Variants in NLRP5 observed in about 807,000 individuals in gnomAD.
NLRP5 encodes the protein NACHT, LRR and PYD domains-containing protein 5.
In NLRP5, 93 loss-of-function variants were observed where a neutral mutation model predicts 113.1. The ratio of observed to expected loss-of-function variants is 0.82; its 90% confidence interval spans 0.70 to 0.98. NLRP5 has a LOEUF of 0.98. Ranked by LOEUF, NLRP5 falls within the 50% of genes least tolerant of loss-of-function variation. NLRP5 has a pLI of 0.00. For missense variants in NLRP5, 1,808 were observed against 1,514.3 expected (o/e 1.19, Z -3.22); for synonymous variants, 751 against 600.7 (o/e 1.25, Z -3.66).
rs1982908104 is a variant in NLRP5 at position 56,027,461 on chromosome 19, A to G, written c.1228A>G (p.Arg410Gly). The G allele has an allele frequency of 1.2e-6, 2 of 1,613,830 alleles. No homozygotes were observed. The highest frequency in any genetic ancestry group is 1.7e-6 in the Non-Finnish European group (2 of 1,179,828). Reference sequence around the variant, plus strand: ...TGAGTCCTTCCTGATCGTCACCGTCAGAGACGTGGGCACAGAGAAGCTCAA... The same window carrying G: ...TGAGTCCTTCCTGATCGTCACCGTCGGAGACGTGGGCACAGAGAAGCTCAA... The change falls in exon 7 of 15, where the codon AGA becomes GGA. Residue 410 changes from arginine (R) to glycine (G), a missense_variant. Coordinates refer to ENST00000390649, the MANE Select transcript of NLRP5 (RefSeq NM_153447.4).
chr19:56,061,296 A>G (rs1984343575), intron 14 of NLRP5, 100 bp from the exon 15 acceptor site: 1 of 1,337,172 alleles, frequency 7.5e-7, no homozygotes, highest in African/African-American at 1.5e-5. Flanking sequence ...AGAGTACAAG[A>G]AAAGGTTTGA....
chr19:56,009,536 C>CT (rs914340640), intron 3 of NLRP5, among the ~76,000 whole-genome samples: 1 of 152,064 alleles, frequency 6.6e-6, no homozygotes, highest in Non-Finnish European at 1.5e-5. Flanking sequence ...CATTAGAGCA[C>CT]TGACCTCATG....
upstream of NLRP5, among the ~76,000 whole-genome samples, chr19:55,998,059 C>A (rs1419001224): frequency 6.6e-6 from 1 of 152,186 alleles, no homozygotes; most frequent in African/African-American, 2.4e-5. Context: ...AGCATACACA[C>A]ACACAGAAAA....
chr19:56,034,106 G>T (rs914679477), intron 9 of NLRP5, among the ~76,000 whole-genome samples: 1 of 152,014 alleles, frequency 6.6e-6, no homozygotes, highest in Non-Finnish European at 1.5e-5. Context: ...GTGCCCTTCT[G>T]GGCCGGGCGC....
upstream of NLRP5, among the ~76,000 whole-genome samples, chr19:55,996,849 C>G (rs1313556496): frequency 6.6e-6 from 1 of 152,060 alleles, no homozygotes; most frequent in African/African-American, 2.4e-5. Flanking sequence ...AGGTATATAC[C>G]CAGTAATGAG....
intron 11 of NLRP5, among the ~76,000 whole-genome samples, chr19:56,045,418 C>CT (rs545465190): frequency 2.1e-3 from 323 of 151,804 alleles, no homozygotes; most frequent in African/African-American, 6.1e-3. Context: ...GTTTTTTTTT[C>CT]TTTTTTTTAT....
chr19:56,009,729 G>T (rs1035675744), intron 3 of NLRP5, among the ~76,000 whole-genome samples: 1 of 152,118 alleles, frequency 6.6e-6, no homozygotes, highest in African/African-American at 2.4e-5. Context: ...TACCTGCGCC[G>T]CTACCATCTT....
chr19:56,019,689 T>C (rs1269953181), intron 5 of NLRP5, among the ~76,000 whole-genome samples: 1 of 152,154 alleles, frequency 6.6e-6, no homozygotes, highest in African/African-American at 2.4e-5. Context: ...GTTAAACATA[T>C]GGCCAAGAGT....
intron 9 of NLRP5, among the ~76,000 whole-genome samples, chr19:56,037,720 G>C (rs577143281): frequency 9.4e-4 from 129 of 137,380 alleles, no homozygotes; most frequent in African/African-American, 3.0e-3. Context: ...AAAAATGTTG[G>C]CTGGGGTGGG....
In NLRP5 at chr19:56,032,788, C is replaced by T. The variant is rs1983172597; in HGVS notation, c.2447+7C>T. The T allele has an allele frequency of 6.3e-7, 1 of 1,598,870 alleles. No individual in the cohort carries two copies. Among genetic ancestry groups the T allele is most frequent in the Admixed American group, 1.7e-5 (1 of 59,236 alleles). ...GCAAGATACAGACCCTGATGTAAGG[C>T]TGCCCGCCCCCTACGAGAGAATCCC... is the stretch of plus-strand genomic sequence containing the variant. On this transcript the variant is annotated splice_region_variant and intron_variant, in intron 8 of 14. Transcript: ENST00000390649.
chr19:55,998,690 A>ATATATATGTGTGTGTGTGTG (rs1981442425), upstream of NLRP5, among the ~76,000 whole-genome samples: 8 of 56,266 alleles, frequency 1.4e-4, no homozygotes, highest in African/African-American at 8.9e-4. Context: ...ATATATATAT[A>ATATATATGTGTGTGTGTGTG]TATATATATA....
In NLRP5 at chr19:56,005,553, C is replaced by T. The variant is rs1035874999; in HGVS notation, c.442+1458C>T. Reference sequence around the variant, plus strand: ...ACACGCACACACGCAGGTGGCATGCCTGTACACACATATATATTTATACAC... The same window carrying T: ...ACACGCACACACGCAGGTGGCATGCTTGTACACACATATATATTTATACAC... On this transcript the variant is annotated intron_variant, in intron 2 of 14. Transcript: ENST00000390649. Among the ~76,000 whole-genome samples the T allele has an allele frequency of 1.7e-4, 24 of 140,134 alleles. 1 individual carries two copies. Among genetic ancestry groups the T allele is most frequent in the African/African-American group, 6.6e-4 (24 of 36,386 alleles). The allele number at this position is 140,134 out of a possible 152,430, so 91.9% of individuals were successfully genotyped here. A position where few individuals can be genotyped will look rare whatever the true frequency, so the allele number is the denominator to read the frequency against.
intron 2 of NLRP5, among the ~76,000 whole-genome samples, chr19:56,005,216 CAT>C (rs901228230): frequency 1.3e-4 from 19 of 143,052 alleles, no homozygotes; most frequent in South Asian, 4.3e-4. Flanking sequence ...CACATACACA[CAT>C]ATACACATAT....
chr19:56,027,215 A>G lies in NLRP5; in HGVS notation c.982A>G (p.Lys328Glu), dbSNP rs775738565. The change falls in exon 7 of 15, where the codon AAG (lysine) becomes GAG (glutamate). Residue 328 changes from lysine (K) to glutamate (E), a missense_variant. Physicochemically the swap from Lys to Glu is moderately conservative, Grantham distance 56. Transcript: ENST00000390649. Reference sequence around the variant, plus strand: ...CCCCGTTAGAGAGATGCAGCGGAAGAAGGAGAGCAGTGTCACAGAGTTCAT... The same window carrying G: ...CCCCGTTAGAGAGATGCAGCGGAAGGAGGAGAGCAGTGTCACAGAGTTCAT... The G allele has an allele frequency of 2.5e-6, 4 of 1,612,164 alleles. No homozygotes were observed. The Admixed American group carries it at 5.0e-5, about 20-fold the overall frequency.
intron 6 of NLRP5, among the ~76,000 whole-genome samples, chr19:56,020,892 GAGA>G (rs1041743313): frequency 6.5e-5 from 6 of 91,812 alleles, no homozygotes; most frequent in Non-Finnish European, 1.4e-4. Flanking sequence ...TTTTTTTTTT[GAGA>G]AGGAGTCTCG....
intron 4 of NLRP5, among the ~76,000 whole-genome samples, chr19:56,016,719 C>T (rs1982416449): frequency 6.6e-6 from 1 of 152,206 alleles, no homozygotes. Context: ...GCCTGGCTTA[C>T]TTCACTTAAC....
In NLRP5 at chr19:56,027,768, C is replaced by T. The variant is rs751766471; in HGVS notation, c.1535C>T (p.Pro512Leu). ...GCTTTTGTGTTTCATCAGCTCACCC[C>T]TCGAGGCGTGGTCCGGCGCTGTCTC... is the stretch of plus-strand genomic sequence containing the variant. Residue 512 changes from proline to leucine, a missense_variant, in exon 7 of 15, where the codon CCT becomes CTT. By Grantham distance (98) the Pro-to-Leu change is moderately conservative. Coordinates refer to ENST00000390649, the MANE Select transcript of NLRP5 (RefSeq NM_153447.4). The T allele has an allele frequency of 1.4e-5, 22 of 1,613,864 alleles. No homozygotes were observed. Among genetic ancestry groups the T allele is most frequent in the Non-Finnish European group, 8.5e-7 (1 of 1,179,908 alleles).
the NLRP5 span, among the ~76,000 whole-genome samples, chr19:55,990,079 CTT>C: frequency 0.11 from 10,933 of 96,050 alleles, 723 homozygotes; most frequent in East Asian, 0.18. Context: ...TTTCTTTTTT[CTT>C]TTTTTTTTTT....
chr19:56,004,164 A>G (rs1981766344), intron 2 of NLRP5, 69 bp downstream of exon 2: 1 of 1,500,086 alleles, frequency 6.7e-7, no homozygotes, highest in Admixed American at 2.1e-5. Flanking sequence ...GGGAACAGGG[A>G]AGAATCGTTG....
Sources: gnomAD v4.1 joint callset for allele counts (sites outside exome capture counted in the v4.1 genomes callset) on GRCh38, gnomAD v4.1.1 for gene constraint, MANE v1.5 for transcripts, NCBI Gene and HGNC (gene_info 2026-07-23, HGNC 2026-07-21) for gene names.